PKHD1L1: variants seen among roughly 807,000 people sequenced by gnomAD.
The protein encoded by PKHD1L1 is fibrocystin-L.
Under a neutral mutation model 462.9 loss-of-function variants are expected in PKHD1L1, and 434 were observed. The ratio of observed to expected loss-of-function variants is 0.94; its 90% confidence interval spans 0.87 to 1.02. The LOEUF is 1.02. Ranked by LOEUF, PKHD1L1 falls within the 50% of genes least tolerant of loss-of-function variation. The probability of loss-of-function intolerance (pLI) is 0.00; values close to 1 mark genes in which losing one functional copy is unlikely to be tolerated. For synonymous variants in PKHD1L1, 1,781 were observed against 1,750.0 expected, an observed-to-expected ratio of 1.02 and a Z score of -0.44; for missense variants, 5,202 against 5,096.1, an observed-to-expected ratio of 1.02 and a Z score of -0.63.
chr8:109,437,960 A>G (rs1034637220), intron 30 of PKHD1L1, among the ~76,000 whole-genome samples: 3 of 152,206 alleles, frequency 2.0e-5, no homozygotes, highest in Non-Finnish European at 4.4e-5. Flanking sequence ...GAGAAATAAG[A>G]ACTATACCTG....
At chr8:109,500,673 C>CAAAAAAAAAAAAA (rs34827783) in intron 67 of PKHD1L1, among the ~76,000 whole-genome samples, 10 of 47,188 alleles carry the variant, frequency 2.1e-4, no homozygotes, top group African/African-American at 8.0e-4. Context: ...AACTCTGTCT[C>CAAAAAAAAAAAAA]AAAAAAAAAA....
chr8:109,455,163 C>A (rs1473412460), intron 45 of PKHD1L1, among the ~76,000 whole-genome samples: 1 of 152,160 alleles, frequency 6.6e-6, no homozygotes, highest in African/African-American at 2.4e-5. Context: ...CATGGCAAAA[C>A]CCTGTCTCCA....
At chr8:109,423,147 G>T (rs1349887125) in intron 23 of PKHD1L1, among the ~76,000 whole-genome samples, 1 of 151,894 alleles carries the variant, frequency 6.6e-6, no homozygotes, top group Non-Finnish European at 1.5e-5. Context: ...AATTTTATGA[G>T]GCCAAATTTA....
rs775456619 is a variant in PKHD1L1 at position 109,497,135 on chromosome 8, C to A, written c.10477-15C>A. 1.9e-6 allele frequency: 3 copies of A among 1,612,826 alleles called. No homozygotes were observed. Among genetic ancestry groups the A allele is most frequent in the African/African-American group, 1.3e-5 (1 of 74,844 alleles). ...ATTGTCCTTAGTATTATGTAACCTG[C>A]AAATTCTATTGCAGACCACAGAGAG... On this transcript the variant is annotated splice_polypyrimidine_tract_variant and intron_variant, in intron 64 of 77. Transcript: ENST00000378402.
intron 13 of PKHD1L1, among the ~76,000 whole-genome samples, 160 bp from the exon 14 acceptor site, chr8:109,401,337 A>G (rs1448066291): frequency 1.3e-5 from 2 of 152,142 alleles, no homozygotes; most frequent in African/African-American, 4.8e-5. Context: ...AATTTATAGC[A>G]TAGTAGATAA....
At chr8:109,433,327 T>C in intron 28 of PKHD1L1, 111 bp downstream of exon 28, 1 of 957,990 alleles carries the variant, frequency 1.0e-6, no homozygotes, top group East Asian at 2.4e-5. Flanking sequence ...TGATCCAGTA[T>C]TACAATTATC....
At chr8:109,395,631 T>C (rs1328985327) in intron 10 of PKHD1L1, among the ~76,000 whole-genome samples, 1 of 152,190 alleles carries the variant, frequency 6.6e-6, no homozygotes, top group Non-Finnish European at 1.5e-5. Flanking sequence ...CATAGTTAAA[T>C]GTGTTACTCT....
At chr8:109,417,344 A>C (rs567311504) in intron 21 of PKHD1L1, among the ~76,000 whole-genome samples, 6 of 152,302 alleles carry the variant, frequency 3.9e-5, no homozygotes, top group Admixed American at 2.0e-4. Context: ...TATCCACAAA[A>C]AAAAACTAAA....
At position 109,510,824 on chromosome 8, in the gene PKHD1L1, C is replaced by A; in HGVS notation, c.11443C>A (p.Leu3815Met). ...TGCTGGATATACATGCCAGAGAAGG[C>A]TGTCCCTGTTTCACAGCATTGTGGC... is the stretch of plus-strand genomic sequence containing the variant. ...WCAGYTCQRR[L>M]SLFHSIVALN... The change falls in exon 71 of 78, where the codon CTG (leucine) becomes ATG (methionine). Residue 3815 changes from leucine to methionine, a missense_variant. Leu to Met is a conservative substitution (Grantham distance 15, BLOSUM62 2). Transcript: ENST00000378402. 1.2e-6 allele frequency: 2 copies of A among 1,613,276 alleles called. No individual in the cohort carries two copies. Among genetic ancestry groups the A allele is most frequent in the Non-Finnish European group, 1.7e-6 (2 of 1,179,460 alleles).
rs1451943724 is a variant in PKHD1L1, at chr8:109,439,040, G to A, written c.3904G>A (p.Gly1302Arg). The A allele has an allele frequency of 6.2e-7, 1 of 1,613,382 alleles. No individual in the cohort carries two copies. The highest frequency in any genetic ancestry group is 8.5e-7 in the Non-Finnish European group (1 of 1,179,638). Residue 1302 changes from glycine (G) to arginine (R), a missense_variant, in exon 32 of 78, where the codon GGA becomes AGA. Physicochemically the swap from Gly to Arg is moderately radical, Grantham distance 125. Transcript: ENST00000378402. ...ATGCCTTTTGCCCAAGTTGTCTCCT[G>A]GAAAACATGATATCTATGTAGAAGT... ...IRCLLPKLSP[G>R]KHDIYVEVRN...
chr8:109,535,257 G>A lies in PKHD1L1; in HGVS notation c.*5167G>A, dbSNP rs1821122115. ...TATTTATGACTGTGCCTGGCTACATGGCAATAGTATTTTCCTTTGGTTTTT... is the reference window on the plus strand; with the variant it reads ...TATTTATGACTGTGCCTGGCTACATAGCAATAGTATTTTCCTTTGGTTTTT... On this transcript the variant is annotated 3_prime_UTR_variant, in exon 78 of 78. Transcript: ENST00000378402. 6.6e-6 allele frequency among the ~76,000 whole-genome samples: 1 copy of A among 152,088 alleles called. No individual in the cohort carries two copies. Among genetic ancestry groups the A allele is most frequent in the African/African-American group, 2.4e-5 (1 of 41,516 alleles).
In PKHD1L1 at chr8:109,530,222, T is replaced by G. The variant is rs1821004364; in HGVS notation, c.*132T>G. ...TATTTTTATGATATATAAAATGTAC[T>G]AATTAGCTTTAAACACTAAAATCAG... On this transcript the variant is annotated 3_prime_UTR_variant, in exon 78 of 78. Transcript: ENST00000378402. 2 of 423,570 alleles carry G rather than the reference T, an allele frequency of 4.7e-6. No individual in the cohort carries two copies. Among genetic ancestry groups the G allele is most frequent in the Non-Finnish European group, 3.9e-6 (1 of 255,224 alleles). The allele number at this position is 423,570 out of a possible 1,614,324, so 26.2% of individuals were successfully genotyped here.
intron 74 of PKHD1L1, 93 bp downstream of exon 74, chr8:109,522,430 A>T: frequency 7.7e-7 from 1 of 1,307,114 alleles, no homozygotes; most frequent in South Asian, 1.7e-5. Context: ...ATTTCAAAAC[A>T]ATAATTTAGC....
At chr8:109,377,567 A>G (rs1811903926) in intron 2 of PKHD1L1, among the ~76,000 whole-genome samples, 1 of 152,174 alleles carries the variant, frequency 6.6e-6, no homozygotes, top group Non-Finnish European at 1.5e-5. Context: ...GATAGAGAAA[A>G]ATAATATTTA....
At chr8:109,454,123 A>G (rs1324852500) in intron 43 of PKHD1L1, 44 bp from the exon 44 acceptor site, 2 of 1,293,690 alleles carry the variant, frequency 1.5e-6, no homozygotes, top group Admixed American at 4.2e-5. Flanking sequence ...AACTTTTAAC[A>G]AGATTTTTCC....
At chr8:109,495,558 A>T (rs992790290) in intron 63 of PKHD1L1, among the ~76,000 whole-genome samples, 26 of 152,102 alleles carry the variant, frequency 1.7e-4, no homozygotes, top group Non-Finnish European at 3.5e-4. Context: ...GAAACTGGGG[A>T]TAGTGATATA....
chr8:109,427,402 T>C (rs920841312), intron 25 of PKHD1L1, among the ~76,000 whole-genome samples: 1 of 152,160 alleles, frequency 6.6e-6, no homozygotes, highest in African/African-American at 2.4e-5. Context: ...TCCAGAAATA[T>C]GTGTGTTAGA....
Position 109,409,911 on chromosome 8 carries a change from A to T in PKHD1L1, c.2018A>T (p.Gln673Leu), listed in dbSNP as rs746192681. 2 of 1,608,074 alleles carry T rather than the reference A, an allele frequency of 1.2e-6. No homozygotes were observed. The highest frequency in any genetic ancestry group is 3.4e-5 in the Admixed American group (2 of 58,900). ...ATGGTTAGCACTAAGTGTCCACCAC[A>T]AATTGCAAATTTTGAAGAAGGATTT... The part of the protein sequence containing the change: ...EEMVSTKCPP[Q>L]IANFEEGFVV... The change falls in exon 19 of 78, where the codon CAA becomes CTA. Residue 673 changes from glutamine (Q) to leucine (L), a missense_variant. Transcript: ENST00000378402.
chr8:109,413,365 G>A (rs4604408), intron 20 of PKHD1L1, 56 bp from the exon 21 acceptor site: 658,826 of 1,178,266 alleles, frequency 0.56, 186,489 homozygotes, highest in African/African-American at 0.71. Flanking sequence ...TTGAATTGTT[G>A]TGAAACAATG....
Sources: gnomAD v4.1 joint callset for allele counts (sites outside exome capture counted in the v4.1 genomes callset) on GRCh38, gnomAD v4.1.1 for gene constraint, MANE v1.5 for transcripts, NCBI Gene and HGNC (gene_info 2026-07-23, HGNC 2026-07-21) for gene names.